The following AUH variants were observed in gnomAD, a reference collection of about 807,000 sequenced individuals.
AUH encodes the protein AU RNA binding methylglutaconyl-CoA hydratase, also known as methylglutaconyl-CoA hydratase, mitochondrial.
Under a neutral mutation model 42.3 loss-of-function variants are expected in AUH, and 29 were observed. The ratio of observed to expected loss-of-function variants is 0.69; its 90% CI spans 0.51 to 0.93. The LOEUF is 0.93. Ranked by LOEUF, AUH falls within the 40% of genes least tolerant of loss-of-function variation. The pLI is 0.00. For synonymous variants in AUH, 174 were observed against 166.4 expected (o/e 1.05, Z -0.35); for missense variants, 452 against 438.1 (o/e 1.03, Z -0.28).
In AUH at chr9:91,275,684, T is replaced by C. The variant is rs368307312; in HGVS notation, c.655+20337A>G. On this transcript the variant is annotated intron_variant, in intron 6 of 9. Transcript: ENST00000375731. ...ATCTCCAAGCCGAACAGAAATCCCA[T>C]AACTTATCACCCAAAAGGATGACTA... is the stretch of plus-strand genomic sequence containing the variant. Among the ~76,000 whole-genome samples, 7 of 152,206 alleles carry C rather than the reference T, an allele frequency of 4.6e-5. No homozygotes were observed. The East Asian group carries it at 9.6e-4, about 21-fold the overall frequency.
chr9:91,329,017 C>A (rs1037258852), intron 3 of AUH, among the ~76,000 whole-genome samples: 1 of 152,144 alleles, frequency 6.6e-6, no homozygotes, highest in African/African-American at 2.4e-5. Flanking sequence ...TAAATTCATA[C>A]AATATGTGGT....
intron 6 of AUH, among the ~76,000 whole-genome samples, chr9:91,240,190 G>T (rs1396683645): frequency 6.6e-6 from 1 of 152,148 alleles, no homozygotes; most frequent in Non-Finnish European, 1.5e-5. Context: ...CCTACCAGAG[G>T]AACACAAAAT....
At chr9:91,354,672 A>G (rs115374522) in intron 3 of AUH, among the ~76,000 whole-genome samples, 3,112 of 152,288 alleles carry the variant, frequency 0.02, 95 homozygotes, top group African/African-American at 0.071. Flanking sequence ...GACCACTAAC[A>G]CTTATTTTTA....
chr9:91,221,524 G>A (rs1392768545), intron 6 of AUH, among the ~76,000 whole-genome samples: 2 of 152,028 alleles, frequency 1.3e-5, no homozygotes, highest in African/African-American at 2.4e-5. Flanking sequence ...TTGTCCTGGT[G>A]GTATTTTCTC....
chr9:91,356,907 G>A (rs952327851), intron 1 of AUH, among the ~76,000 whole-genome samples: 1 of 152,140 alleles, frequency 6.6e-6, no homozygotes, highest in African/African-American at 2.4e-5. Flanking sequence ...TCTTGGAGTA[G>A]ACAAATTTTC....
intron 6 of AUH, among the ~76,000 whole-genome samples, chr9:91,252,212 G>A (rs539452331): frequency 2.0e-5 from 3 of 152,022 alleles, no homozygotes; most frequent in African/African-American, 7.2e-5. Context: ...TGATCTGCCT[G>A]CCTCGGCCTC....
At chr9:91,218,185 T>C (rs1445877941) in intron 7 of AUH, among the ~76,000 whole-genome samples, 1 of 152,212 alleles carries the variant, frequency 6.6e-6, no homozygotes, top group Non-Finnish European at 1.5e-5. Flanking sequence ...TGAAAAGACA[T>C]GTTTTCCTAT....
rs754426951 is a variant in AUH at position 91,325,386 on chromosome 9, C to G, written c.437G>C (p.Arg146Thr). ...AACTTCACTGGAACTCATTTTGGCTCTTTCCTTAAGGTCAGCACCTGCAAA... is the reference window on the plus strand; with the variant it reads ...AACTTCACTGGAACTCATTTTGGCTGTTTCCTTAAGGTCAGCACCTGCAAA... Reference protein sequence around the residue: ...IFCAGADLKERAKMSSSEVGP... With the variant: ...IFCAGADLKETAKMSSSEVGP... Residue 146 changes from arginine (R) to threonine (T), a missense_variant, in exon 4 of 10, where the codon AGA becomes ACA. Transcript: ENST00000375731. 6.2e-7 allele frequency: 1 copy of G among 1,613,828 alleles called. No individual in the cohort carries two copies. The highest frequency in any genetic ancestry group is 8.5e-7 in the Non-Finnish European group (1 of 1,179,840).
At chr9:91,334,387 A>G (rs1444651584) in intron 3 of AUH, among the ~76,000 whole-genome samples, 1 of 105,396 alleles carries the variant, frequency 9.5e-6, no homozygotes, top group Non-Finnish European at 2.0e-5. Context: ...GAGGGCCTCA[A>G]TAGAACAAAA....
intron 4 of AUH, among the ~76,000 whole-genome samples, chr9:91,305,252 T>A (rs1828120538): frequency 2.0e-5 from 3 of 152,208 alleles, no homozygotes. Context: ...TATTCTTTAA[T>A]ATAACTAAGG....
At chr9:91,338,492 G>A (rs1429458292) in intron 3 of AUH, among the ~76,000 whole-genome samples, 5 of 152,158 alleles carry the variant, frequency 3.3e-5, no homozygotes, top group African/African-American at 7.2e-5. Flanking sequence ...GCGCAATGGC[G>A]CGATCTCGGC....
At chr9:91,334,772 G>A (rs1237840197) in intron 3 of AUH, among the ~76,000 whole-genome samples, 2 of 152,264 alleles carry the variant, frequency 1.3e-5, no homozygotes, top group Admixed American at 6.5e-5. Flanking sequence ...ATTGTAGGGG[G>A]TTATTACGCA....
chr9:91,343,446 A>G lies in AUH; in HGVS notation c.418+12437T>C, dbSNP rs28723587. ...GTTTTGCTAGTATTTAAGAAAAAAGACACAATGTATCAATATCAAAAATAA... is the reference window on the plus strand; with the variant it reads ...GTTTTGCTAGTATTTAAGAAAAAAGGCACAATGTATCAATATCAAAAATAA... On this transcript the variant is annotated intron_variant, in intron 3 of 9. Transcript: ENST00000375731. Among the ~76,000 whole-genome samples the G allele has an allele frequency of 7.0e-3, 1,073 of 152,358 alleles. 14 individuals carry two copies. The highest frequency in any genetic ancestry group is 0.024 in the African/African-American group (1,015 of 41,598).
chr9:91,238,609 GATAGA>G (rs1311746860), intron 6 of AUH, among the ~76,000 whole-genome samples: 4 of 152,198 alleles, frequency 2.6e-5, no homozygotes, highest in Non-Finnish European at 5.9e-5. Flanking sequence ...GTATCACTTG[GATAGA>G]ATAAAGATAT....
intron 6 of AUH, among the ~76,000 whole-genome samples, chr9:91,224,845 C>T (rs1241059198): frequency 6.6e-6 from 1 of 152,062 alleles, no homozygotes; most frequent in South Asian, 2.1e-4. Context: ...CCCCTCCACC[C>T]CTCAGGCATA....
In AUH at chr9:91,361,790, A is replaced by G. The variant is rs1181964398; in HGVS notation, c.100T>C (p.Leu34=). Residue 34 remains leucine, a synonymous_variant, in exon 1 of 10, where the codon TTG becomes CTG. Coordinates refer to ENST00000375731, the MANE Select transcript of AUH (RefSeq NM_001698.3). ...CCTGCCAACGAGCCGGGCAGCCTCA[A>G]CCCCGGGCAGAGCCACGCACTGCAA... ...AACSAWLCPG[L]RLPGSLAGRR... The G allele has an allele frequency of 6.5e-7, 1 of 1,540,640 alleles. No homozygotes were observed. Among genetic ancestry groups the G allele is most frequent in the Non-Finnish European group, 8.7e-7 (1 of 1,145,314 alleles).
At chr9:91,224,891 T>C (rs1036126113) in intron 6 of AUH, among the ~76,000 whole-genome samples, 1 of 152,238 alleles carries the variant, frequency 6.6e-6, no homozygotes, top group South Asian at 2.1e-4. Context: ...AAAAATGATA[T>C]AATCTGTTCA....
intron 6 of AUH, among the ~76,000 whole-genome samples, chr9:91,250,311 T>G (rs1829056384): frequency 6.6e-6 from 1 of 152,112 alleles, no homozygotes; most frequent in South Asian, 2.1e-4. Flanking sequence ...AAAAATTCTC[T>G]TGATACCACA....
At chr9:91,320,710 C>G (rs1157282213) in intron 4 of AUH, among the ~76,000 whole-genome samples, 1 of 152,140 alleles carries the variant, frequency 6.6e-6, no homozygotes, top group Non-Finnish European at 1.5e-5. Context: ...CCACCGTGGA[C>G]AGAAAATATG....
Sources: gnomAD v4.1 joint callset for allele counts (sites outside exome capture counted in the v4.1 genomes callset) on GRCh38, gnomAD v4.1.1 for gene constraint, MANE v1.5 for transcripts, NCBI Gene and HGNC (gene_info 2026-07-23, HGNC 2026-07-21) for gene names.